The following SUPT3H variants were observed in gnomAD, a reference collection of about 807,000 sequenced individuals.
The protein encoded by SUPT3H is SPT3 homolog, SAGA and STAGA complex component.
A neutral mutation model predicts 44.3 loss-of-function variants in SUPT3H; 44 were observed. The observed-to-expected ratio is 0.99, with a 90% CI of 0.78 to 1.28. SUPT3H has a LOEUF of 1.28. Among genes scored for constraint, SUPT3H ranks in the 50% most tolerant of loss-of-function variants. The pLI is 0.00. For synonymous variants in SUPT3H, 124 were observed against 125.6 expected (o/e 0.99, Z 0.09); for missense variants, 380 against 387.1 (o/e 0.98, Z 0.15).
intron 2 of SUPT3H, among the ~76,000 whole-genome samples, chr6:45,135,751 G>A (rs1350580893): frequency 6.6e-6 from 1 of 152,134 alleles, no homozygotes; most frequent in African/African-American, 2.4e-5. Context: ...AACAATGCTG[G>A]CACCCTGATC....
chr6:45,172,255 T>C (rs1367113004), intron 2 of SUPT3H, among the ~76,000 whole-genome samples: 37 of 151,556 alleles, frequency 2.4e-4, no homozygotes, highest in Admixed American at 2.2e-3. Context: ...GTACTTTTAG[T>C]AGAGATGGGG....
At chr6:45,020,472 GATAT>G in intron 4 of SUPT3H, 70 bp downstream of exon 4, 14 of 1,108,770 alleles carry the variant, frequency 1.3e-5, no homozygotes, top group Non-Finnish European at 1.9e-5. Flanking sequence ...ACATAACAAG[GATAT>G]ATAGTTTCCA....
At chr6:45,358,208 A>C (rs1215291131) in intron 2 of SUPT3H, among the ~76,000 whole-genome samples, 1 of 151,872 alleles carries the variant, frequency 6.6e-6, no homozygotes, top group Non-Finnish European at 1.5e-5. Flanking sequence ...CCCAGAAAAG[A>C]AGCATTCTAT....
At chr6:45,129,769 A>C (rs1394892109) in intron 2 of SUPT3H, among the ~76,000 whole-genome samples, 1 of 152,150 alleles carries the variant, frequency 6.6e-6, no homozygotes, top group Non-Finnish European at 1.5e-5. Context: ...TTTTTTTAAA[A>C]AAATCCATCA....
At chr6:45,367,076 C>T (rs1795258585) in intron 1 of SUPT3H, among the ~76,000 whole-genome samples, 1 of 152,154 alleles carries the variant, frequency 6.6e-6, no homozygotes. Flanking sequence ...AAAGCTACTA[C>T]AAATCACTGA....
intron 2 of SUPT3H, among the ~76,000 whole-genome samples, chr6:45,338,797 G>C (rs1029265211): frequency 6.6e-6 from 1 of 151,994 alleles, no homozygotes; most frequent in African/African-American, 2.4e-5. Flanking sequence ...CTATTTCTCT[G>C]GATGAGACAA....
intron 10 of SUPT3H, among the ~76,000 whole-genome samples, chr6:44,922,000 C>A (rs573481161): frequency 6.6e-6 from 1 of 152,250 alleles, no homozygotes; most frequent in Non-Finnish European, 1.5e-5. Flanking sequence ...ATCTAGAGAG[C>A]ATACTCCACC....
chr6:45,101,720 A>G (rs923149536), intron 3 of SUPT3H, among the ~76,000 whole-genome samples: 3 of 152,222 alleles, frequency 2.0e-5, no homozygotes, highest in African/African-American at 7.2e-5. Context: ...TGATCATTAT[A>G]CATTGTATAC....
chr6:45,119,535 T>C (rs189758398), intron 2 of SUPT3H, among the ~76,000 whole-genome samples: 92 of 152,290 alleles, frequency 6.0e-4, no homozygotes, highest in African/African-American at 2.1e-3. Context: ...CTTAAGCATA[T>C]AGGCTTTAAT....
At position 45,016,197 on chromosome 6, in the gene SUPT3H, T is replaced by C. The variant is rs191376230; in HGVS notation, c.274-1306A>G. Among the ~76,000 whole-genome samples, 6 of 152,228 alleles carry C rather than the reference T, an allele frequency of 3.9e-5. No homozygotes were observed. The East Asian group carries it at 9.7e-4, about 24-fold the overall frequency. ...GCATTGCACTACAATGTTAGTATGA[T>C]ACCTACAACATCACTTGATAATTGG... On this transcript the variant is annotated intron_variant, in intron 4 of 10. Coordinates refer to ENST00000371459, the MANE Select transcript of SUPT3H (RefSeq NM_003599.4).
intron 3 of SUPT3H, 66 bp downstream of exon 3, chr6:45,105,856 T>C: frequency 8.0e-7 from 1 of 1,253,118 alleles, no homozygotes; most frequent in South Asian, 1.3e-5. Context: ...TTTTAAAGTG[T>C]TGGGTTACCA....
intron 2 of SUPT3H, among the ~76,000 whole-genome samples, chr6:45,177,895 G>C (rs1192596960): frequency 1.3e-5 from 2 of 151,990 alleles, no homozygotes; most frequent in East Asian, 1.9e-4. Context: ...CACCAGGCCT[G>C]CCCTAAAAGA....
intron 2 of SUPT3H, among the ~76,000 whole-genome samples, chr6:45,165,410 T>C (rs1348158173): frequency 6.6e-6 from 1 of 152,350 alleles, no homozygotes; most frequent in South Asian, 2.1e-4. Context: ...AAACACTCTT[T>C]AGCACAATCT....
At chr6:45,247,565 A>G (rs1034802928) in intron 2 of SUPT3H, among the ~76,000 whole-genome samples, 1 of 152,204 alleles carries the variant, frequency 6.6e-6, no homozygotes. Context: ...AGATAGAAAC[A>G]ATGCACATGC....
At chr6:45,236,780 A>G (rs887246320) in intron 2 of SUPT3H, among the ~76,000 whole-genome samples, 2 of 151,964 alleles carry the variant, frequency 1.3e-5, no homozygotes, top group Non-Finnish European at 2.9e-5. Context: ...GCTACATTTG[A>G]GCCTTTTCCT....
chr6:45,185,063 G>A (rs184903425), intron 2 of SUPT3H, among the ~76,000 whole-genome samples: 281 of 152,248 alleles, frequency 1.8e-3, no homozygotes, highest in African/African-American at 6.6e-3. Context: ...TACCAGATAG[G>A]CTAAGGGTAC....
At chr6:45,377,113 G>A (rs1156269842) in intron 1 of SUPT3H, among the ~76,000 whole-genome samples, 1 of 152,008 alleles carries the variant, frequency 6.6e-6, no homozygotes, top group Non-Finnish European at 1.5e-5. Context: ...CAGTCATTCT[G>A]AACTCCTAAA....
At chr6:45,167,231 T>C (rs769809930) in intron 2 of SUPT3H, among the ~76,000 whole-genome samples, 5 of 152,138 alleles carry the variant, frequency 3.3e-5, no homozygotes, top group Non-Finnish European at 5.9e-5. Flanking sequence ...CCTCTCACTT[T>C]AACCTAATGC....
chr6:45,045,055 C>T (rs1177263095), intron 3 of SUPT3H, among the ~76,000 whole-genome samples: 2 of 152,040 alleles, frequency 1.3e-5, no homozygotes, highest in Non-Finnish European at 1.5e-5. Context: ...CACTATGTCA[C>T]TGAAAAGAAA....
Sources: allele counts gnomAD v4.1 joint callset (sites outside exome capture counted in the v4.1 genomes callset), GRCh38; gene constraint gnomAD v4.1.1; transcripts MANE v1.5; gene names NCBI Gene and HGNC (gene_info 2026-07-23, HGNC 2026-07-21).